Variants in ADAM7 observed in about 807,000 individuals in gnomAD.
The protein encoded by ADAM7 is ADAM metallopeptidase domain 7, also known as disintegrin and metalloproteinase domain-containing protein 7.
In ADAM7, 97 loss-of-function variants were observed where a neutral mutation model predicts 102.9. The ratio of observed to expected loss-of-function variants is 0.94; its 90% confidence interval spans 0.80 to 1.12. The LOEUF is 1.12. Among genes scored for constraint, ADAM7 ranks in the 50% most tolerant of loss-of-function variants. The pLI is 0.00. For missense variants in ADAM7, 991 were observed against 908.7 expected, an observed-to-expected ratio of 1.09 and a Z score of -1.16; for synonymous variants, 334 against 304.4, an observed-to-expected ratio of 1.10 and a Z score of -1.01.
chr8:24,482,407 T>G (rs1819985330), intron 9 of ADAM7, 96 bp downstream of exon 9: 2 of 1,345,494 alleles, frequency 1.5e-6, no homozygotes, highest in Non-Finnish European at 2.1e-6. Flanking sequence ...TTTAAGCATT[T>G]GACTTTTGGG....
chr8:24,471,258 G>A (rs1023261114), intron 7 of ADAM7, among the ~76,000 whole-genome samples: 5 of 151,926 alleles, frequency 3.3e-5, no homozygotes, highest in South Asian at 2.1e-4. Flanking sequence ...GTTACAGTAC[G>A]CTAAGGTTAA....
chr8:24,476,535 C>A, intron 8 of ADAM7, 31 bp downstream of exon 8: 2 of 1,540,394 alleles, frequency 1.3e-6, no homozygotes, highest in South Asian at 1.1e-5. Context: ...TGAATCAAGC[C>A]AATAATACGA....
intron 12 of ADAM7, among the ~76,000 whole-genome samples, chr8:24,489,598 C>T (rs1820269548): frequency 1.3e-5 from 2 of 152,088 alleles, no homozygotes; most frequent in Non-Finnish European, 2.9e-5. Flanking sequence ...ATTGGTTCTG[C>T]TTGTGACAAG....
At chr8:24,497,491 A>C (rs1162870283) in intron 16 of ADAM7, among the ~76,000 whole-genome samples, 1 of 152,212 alleles carries the variant, frequency 6.6e-6, no homozygotes, top group Non-Finnish European at 1.5e-5. Context: ...ATTGGATATT[A>C]CAAAAAAAAT....
chr8:24,501,581 G>A lies in ADAM7; in HGVS notation c.2208+5G>A. 6.4e-7 allele frequency: 1 copy of A among 1,571,662 alleles called. No homozygotes were observed. The highest frequency in any genetic ancestry group is 8.6e-7 in the Non-Finnish European group (1 of 1,164,120). ...CCAGAAATTCATTTCCTAAATGTAA[G>A]AAACTTCCATTTGCAACAGTTAATT... On this transcript the variant is annotated splice_donor_5th_base_variant and intron_variant, in intron 20 of 21. Coordinates refer to ENST00000175238, the MANE Select transcript of ADAM7 (RefSeq NM_003817.4).
chr8:24,446,509 A>C (rs1317288857), intron 2 of ADAM7, among the ~76,000 whole-genome samples: 2 of 152,148 alleles, frequency 1.3e-5, no homozygotes, highest in African/African-American at 4.8e-5. Context: ...TGTCATTGAA[A>C]ATGCAGCTCT....
intron 17 of ADAM7, among the ~76,000 whole-genome samples, chr8:24,499,898 C>T (rs76200814): frequency 0.037 from 5,533 of 151,436 alleles, 341 homozygotes; most frequent in African/African-American, 0.13. Context: ...CATATATTTA[C>T]CTGGAAAGAT....
intron 19 of ADAM7, among the ~76,000 whole-genome samples, 168 bp downstream of exon 19, chr8:24,501,063 T>C (rs372052055): frequency 1.4e-4 from 21 of 152,186 alleles, no homozygotes; most frequent in East Asian, 9.6e-4. Flanking sequence ...ATCCAGATGC[T>C]AATATCAATG....
chr8:24,468,592 C>T (rs116539597), intron 6 of ADAM7, among the ~76,000 whole-genome samples, 175 bp from the exon 7 acceptor site: 6 of 151,956 alleles, frequency 3.9e-5, no homozygotes, highest in South Asian at 2.1e-4. Context: ...CATGTTTAAT[C>T]GTATAGATCT....
intron 3 of ADAM7, among the ~76,000 whole-genome samples, chr8:24,455,559 C>A (rs1819000391): frequency 6.6e-6 from 1 of 152,188 alleles, no homozygotes; most frequent in Non-Finnish European, 1.5e-5. Context: ...CAGGCACATG[C>A]CACCACACCC....
chr8:24,473,699 T>C (rs1819680329), intron 7 of ADAM7, among the ~76,000 whole-genome samples: 1 of 152,050 alleles, frequency 6.6e-6, no homozygotes. Context: ...GAAAGTAAAA[T>C]TATAAGCTAA....
At position 24,493,068 on chromosome 8, in the gene ADAM7, T is replaced by C. The variant is rs1468016426; in HGVS notation, c.1681T>C (p.Cys561Arg). 1 of 1,599,552 alleles carries C rather than the reference T, an allele frequency of 6.3e-7. No homozygotes were observed. The highest frequency in any genetic ancestry group is 1.1e-5 in the South Asian group (1 of 88,260). ...EKDVRCGKIY[C>R]TGGELSSLLG... ...AGATGTCAGATGTGGAAAGATCTAC[T>C]GCACTGGAGGGGAGCTTTCCTCTCT... is the stretch of plus-strand genomic sequence containing the variant. The change falls in exon 16 of 22, where the codon TGC becomes CGC. Residue 561 changes from cysteine to arginine, a missense_variant. Coordinates refer to ENST00000175238, the MANE Select transcript of ADAM7 (RefSeq NM_003817.4).
Position 24,442,525 on chromosome 8 carries a change from T to A in ADAM7, c.105T>A (p.Leu35=), listed in dbSNP as rs138888383. Reference sequence around the variant, plus strand: ...AACAACTGGTTCGTCCTAAAAAGCTTCCTCTGATACAGAAGCGAGATACTG... The same window carrying A: ...AACAACTGGTTCGTCCTAAAAAGCTACCTCTGATACAGAAGCGAGATACTG... The part of the protein sequence containing the change: ...EGQQLVRPKK[L]PLIQKRDTGH... Residue 35 remains leucine, a synonymous_variant, in exon 2 of 22, where the codon CTT becomes CTA. Transcript: ENST00000175238. The A allele has an allele frequency of 6.2e-3, 10,068 of 1,614,042 alleles. 40 individuals carry two copies. Among genetic ancestry groups the A allele is most frequent in the Non-Finnish European group, 7.7e-3 (9,055 of 1,179,946 alleles).
intron 5 of ADAM7, among the ~76,000 whole-genome samples, chr8:24,466,349 G>A (rs564426462): frequency 2.3e-4 from 35 of 152,126 alleles, no homozygotes; most frequent in Non-Finnish European, 2.8e-4. Context: ...CTTTAATTAC[G>A]GGAAATTTGC....
At chr8:24,451,824 C>T (rs371925611) in intron 3 of ADAM7, among the ~76,000 whole-genome samples, 9 of 149,502 alleles carry the variant, frequency 6.0e-5, no homozygotes, top group Middle Eastern at 3.4e-3. Context: ...GCTTTGAATG[C>T]GTCCCAGAGA....
chr8:24,487,444 C>T (rs368993032), intron 11 of ADAM7, 127 bp downstream of exon 11: 29 of 1,169,218 alleles, frequency 2.5e-5, no homozygotes, highest in African/African-American at 2.1e-4. Context: ...GTCAGGAGTT[C>T]GAGACCAGCC....
intron 7 of ADAM7, among the ~76,000 whole-genome samples, chr8:24,469,693 T>A (rs767628971): frequency 8.5e-5 from 13 of 152,110 alleles, no homozygotes; most frequent in Non-Finnish European, 1.6e-4. Flanking sequence ...TGACACTAAA[T>A]GTTTTAAAGT....
chr8:24,496,125 C>T (rs1427526924), intron 16 of ADAM7, among the ~76,000 whole-genome samples: 3 of 152,184 alleles, frequency 2.0e-5, no homozygotes, highest in Non-Finnish European at 4.4e-5. Context: ...CCAGCTGGGA[C>T]TAAAAGGCTC....
At chr8:24,479,496 T>C (rs1819878066) in intron 8 of ADAM7, among the ~76,000 whole-genome samples, 1 of 151,992 alleles carries the variant, frequency 6.6e-6, no homozygotes, top group Non-Finnish European at 1.5e-5. Flanking sequence ...AAGAGTTCGG[T>C]AGATTTTATA....
Sources: gnomAD v4.1 joint callset for allele counts (sites outside exome capture counted in the v4.1 genomes callset) on GRCh38, gnomAD v4.1.1 for gene constraint, MANE v1.5 for transcripts, NCBI Gene and HGNC (gene_info 2026-07-23, HGNC 2026-07-21) for gene names.